COX7B2: variants seen among roughly 807,000 people sequenced by gnomAD.
COX7B2 encodes the protein cytochrome c oxidase subunit 7B2, mitochondrial.
For synonymous variants in COX7B2, 37 were observed against 32.1 expected (o/e 1.15, Z -0.51); for missense variants, 109 against 95.9 (o/e 1.14, Z -0.57).
chr4:46,843,633 A>C (rs980793169), intron 2 of COX7B2, among the ~76,000 whole-genome samples: 2 of 152,070 alleles, frequency 1.3e-5, no homozygotes, highest in Admixed American at 1.3e-4. Context: ...ATAGAGAAAA[A>C]AATAAAAGCA....
chr4:46,845,841 T>C (rs1287055398), intron 1 of COX7B2, among the ~76,000 whole-genome samples: 4 of 151,974 alleles, frequency 2.6e-5, no homozygotes, highest in Admixed American at 2.6e-4. Context: ...CAACATTTGA[T>C]GTAAAATAAT....
At chr4:46,741,585 A>T (rs761381195) in intron 2 of COX7B2, among the ~76,000 whole-genome samples, 4 of 152,032 alleles carry the variant, frequency 2.6e-5, no homozygotes, top group African/African-American at 4.8e-5. Flanking sequence ...AAAATAAATT[A>T]TCCTGGTCCC....
intron 2 of COX7B2, among the ~76,000 whole-genome samples, chr4:46,763,908 AC>A (rs1417665509): frequency 4.6e-5 from 7 of 152,212 alleles, no homozygotes; most frequent in Non-Finnish European, 7.3e-5. Flanking sequence ...TAATACTTGA[AC>A]TTGTTCATGT....
At chr4:46,847,642 A>C (rs1263192857) in intron 1 of COX7B2, among the ~76,000 whole-genome samples, 2 of 152,106 alleles carry the variant, frequency 1.3e-5, no homozygotes, top group Non-Finnish European at 2.9e-5. Flanking sequence ...TGGAAAAGTA[A>C]TGTAATTCCT....
At chr4:46,766,081 A>C (rs1716518026) in intron 2 of COX7B2, among the ~76,000 whole-genome samples, 1 of 152,190 alleles carries the variant, frequency 6.6e-6, no homozygotes, top group African/African-American at 2.4e-5. Context: ...CCCTGTTTCC[A>C]ACACAAAGGA....
chr4:46,751,990 T>C (rs1197177115), intron 2 of COX7B2, among the ~76,000 whole-genome samples: 4 of 152,156 alleles, frequency 2.6e-5, no homozygotes, highest in Non-Finnish European at 5.9e-5. Flanking sequence ...TGGCATTGAA[T>C]CTATAAGTTA....
intron 2 of COX7B2, among the ~76,000 whole-genome samples, chr4:46,764,471 A>G (rs973718825): frequency 4.6e-5 from 7 of 152,078 alleles, no homozygotes; most frequent in African/African-American, 1.7e-4. Context: ...TTAGCCTGGG[A>G]GGCGGAGGTT....
intron 1 of COX7B2, among the ~76,000 whole-genome samples, chr4:46,892,335 T>C (rs1481854035): frequency 6.6e-6 from 1 of 152,240 alleles, no homozygotes; most frequent in Admixed American, 6.5e-5. Flanking sequence ...TTATTATATG[T>C]AGACAGTATA....
intron 2 of COX7B2, among the ~76,000 whole-genome samples, chr4:46,776,826 A>C (rs1717178808): frequency 6.6e-6 from 1 of 152,106 alleles, no homozygotes; most frequent in Non-Finnish European, 1.5e-5. Flanking sequence ...TAGGATCTCC[A>C]ACAGTTCTAT....
chr4:46,755,209 A>G lies in COX7B2; in HGVS notation c.-49-19968T>C, dbSNP rs146130872. ...AACCACATGATCATCTCAGTAGATG[A>G]ATAAAAAGTCTTTGATGAAATTCAG... is the stretch of plus-strand genomic sequence containing the variant. On this transcript the variant is annotated intron_variant, in intron 2 of 2. Coordinates refer to ENST00000355591, the MANE Select transcript of COX7B2 (RefSeq NM_130902.3). 1.5e-3 allele frequency among the ~76,000 whole-genome samples: 233 copies of G among 152,116 alleles called. 5 individuals are homozygous for G. In the East Asian group the frequency reaches 0.041, roughly 27 times the overall value.
intron 2 of COX7B2, among the ~76,000 whole-genome samples, chr4:46,817,153 G>A (rs1042825115): frequency 3.3e-5 from 5 of 152,206 alleles, no homozygotes; most frequent in African/African-American, 1.2e-4. Flanking sequence ...CTGACAACCA[G>A]TTACTGTTCT....
chr4:46,831,913 T>C (rs1357220354), intron 2 of COX7B2, among the ~76,000 whole-genome samples: 1 of 152,082 alleles, frequency 6.6e-6, no homozygotes, highest in African/African-American at 2.4e-5. Context: ...AGCTCAAGGT[T>C]TGTAAATACA....
chr4:46,832,966 C>T (rs142534205), intron 2 of COX7B2, among the ~76,000 whole-genome samples: 4 of 151,710 alleles, frequency 2.6e-5, no homozygotes, highest in African/African-American at 4.8e-5. Context: ...AGTGCAAAGG[C>T]GTGATCTTGG....
At chr4:46,828,771 A>G (rs1269850762) in intron 2 of COX7B2, among the ~76,000 whole-genome samples, 1 of 152,180 alleles carries the variant, frequency 6.6e-6, no homozygotes, top group Admixed American at 6.5e-5. Context: ...AATATTATAT[A>G]GTTTTCAGGG....
At chr4:46,904,710 G>T (rs538161507) in intron 1 of COX7B2, among the ~76,000 whole-genome samples, 1 of 152,242 alleles carries the variant, frequency 6.6e-6, no homozygotes, top group Non-Finnish European at 1.5e-5. Flanking sequence ...GCATCCACTA[G>T]CAGGAAACTG....
chr4:46,879,337 A>G (rs1718557501), intron 1 of COX7B2, among the ~76,000 whole-genome samples: 1 of 151,392 alleles, frequency 6.6e-6, no homozygotes, highest in Non-Finnish European at 1.5e-5. Flanking sequence ...TTTCTTTTTG[A>G]GACACGGTCT....
At chr4:46,813,405 C>T (rs566881060) in intron 2 of COX7B2, among the ~76,000 whole-genome samples, 40 of 152,138 alleles carry the variant, frequency 2.6e-4, no homozygotes, top group African/African-American at 9.6e-4. Flanking sequence ...TGGAACACTT[C>T]AAAAGCACAG....
chr4:46,888,249 G>A (rs1007515711), intron 1 of COX7B2, among the ~76,000 whole-genome samples: 3 of 152,072 alleles, frequency 2.0e-5, no homozygotes, highest in South Asian at 2.1e-4. Context: ...GCATTCAACC[G>A]AGACTTCAGT....
intron 2 of COX7B2, among the ~76,000 whole-genome samples, chr4:46,753,823 G>C (rs1216998213): frequency 6.6e-6 from 1 of 152,122 alleles, no homozygotes; most frequent in Non-Finnish European, 1.5e-5. Context: ...ATCTGACAAA[G>C]GGCTAATATC....
Sources: gnomAD v4.1 joint callset for allele counts (sites outside exome capture counted in the v4.1 genomes callset) on GRCh38, gnomAD v4.1.1 for gene constraint, MANE v1.5 for transcripts, NCBI Gene and HGNC (gene_info 2026-07-23, HGNC 2026-07-21) for gene names.